Variants in FHOD3 observed in about 807,000 individuals in gnomAD.
FHOD3 encodes formin homology 2 domain containing 3.
A neutral mutation model predicts 173.0 loss-of-function variants in FHOD3; 90 were observed. That is an observed-to-expected ratio of 0.52 (90% CI 0.44 to 0.62). FHOD3 has a LOEUF of 0.62. Ranked by LOEUF, FHOD3 falls within the 20% of genes least tolerant of loss-of-function variation. FHOD3 has a pLI of 0.00. For missense variants in FHOD3, 1,945 were observed against 2,034.7 expected, an observed-to-expected ratio of 0.96 and a Z score of 0.85; for synonymous variants, 828 against 823.0, an observed-to-expected ratio of 1.01 and a Z score of -0.10.
chr18:36,736,254 A>T (rs1342275059), intron 20 of FHOD3, among the ~76,000 whole-genome samples: 2 of 152,240 alleles, frequency 1.3e-5, no homozygotes, highest in African/African-American at 4.8e-5. Flanking sequence ...CCCACAGGGC[A>T]TGTGTACAGT....
At chr18:36,645,313 G>A (rs986038523) in intron 10 of FHOD3, among the ~76,000 whole-genome samples, 8 of 152,044 alleles carry the variant, frequency 5.3e-5, no homozygotes, top group Admixed American at 1.3e-4. Flanking sequence ...CCAGCTATTC[G>A]GAAGGCTGAG....
intron 9 of FHOD3, among the ~76,000 whole-genome samples, chr18:36,624,762 A>C (rs1441921800): frequency 6.6e-6 from 1 of 152,152 alleles, no homozygotes; most frequent in Non-Finnish European, 1.5e-5. Flanking sequence ...GGCAAAGTGC[A>C]AGCCAGTTAT....
intron 5 of FHOD3, among the ~76,000 whole-genome samples, chr18:36,555,406 A>G (rs2057837656): frequency 6.6e-6 from 1 of 151,708 alleles, no homozygotes; most frequent in Non-Finnish European, 1.5e-5. Flanking sequence ...AACAAAAAAC[A>G]TGCTTTATAT....
At chr18:36,348,561 A>T (rs542494936) in intron 1 of FHOD3, among the ~76,000 whole-genome samples, 2 of 152,132 alleles carry the variant, frequency 1.3e-5, no homozygotes, top group African/African-American at 4.8e-5. Context: ...ATTTCCATGG[A>T]TCCATGGAGC....
At chr18:36,552,625 A>G (rs1441083498) in intron 5 of FHOD3, among the ~76,000 whole-genome samples, 1 of 151,688 alleles carries the variant, frequency 6.6e-6, no homozygotes, top group East Asian at 1.9e-4. Context: ...CAGCCTCCCA[A>G]GTAGCTGGGA....
rs1225929048 is a variant in FHOD3 at position 36,338,059 on chromosome 18, A to AG, written c.166-17479dup. ...AGTTAATGAATTACTAAGGGAACGG[A>AG]GTAGAGTCAATTACACTGCTGGTTT... On this transcript the variant is annotated intron_variant, in intron 1 of 28. Coordinates refer to ENST00000590592, the MANE Select transcript of FHOD3 (RefSeq NM_001281740.3). Among the ~76,000 whole-genome samples, 13 of 152,318 alleles carry AG rather than the reference A, an allele frequency of 8.5e-5. No homozygotes were observed. The East Asian group carries it at 2.5e-3, about 29-fold the overall frequency.
intron 14 of FHOD3, among the ~76,000 whole-genome samples, chr18:36,668,035 G>A (rs1397280036): frequency 6.6e-6 from 1 of 152,104 alleles, no homozygotes; most frequent in Non-Finnish European, 1.5e-5. Flanking sequence ...CATAAAATGA[G>A]GGGAAACATA....
In FHOD3 at chr18:36,740,344, T is replaced by C. The variant is rs561738169; in HGVS notation, c.3577-312T>C. On this transcript the variant is annotated intron_variant, in intron 20 of 28. Coordinates refer to ENST00000590592, the MANE Select transcript of FHOD3 (RefSeq NM_001281740.3). Reference sequence around the variant, plus strand: ...TTTTAAATTAATGCAGGAGAAGTGCTACAAAGCATATCTTTTTTACATGTC... The same window carrying C: ...TTTTAAATTAATGCAGGAGAAGTGCCACAAAGCATATCTTTTTTACATGTC... 3.3e-5 allele frequency among the ~76,000 whole-genome samples: 5 copies of C among 152,340 alleles called. No individual in the cohort carries two copies. The East Asian group carries it at 7.7e-4, about 24-fold the overall frequency.
At chr18:36,659,266 T>G (rs1568564115) in intron 14 of FHOD3, among the ~76,000 whole-genome samples, 1 of 152,198 alleles carries the variant, frequency 6.6e-6, no homozygotes, top group African/African-American at 2.4e-5. Context: ...GGCATGTAGA[T>G]CCTACGGTGT....
At chr18:36,632,703 C>A (rs80353021) in intron 10 of FHOD3, among the ~76,000 whole-genome samples, 3,896 of 152,190 alleles carry the variant, frequency 0.026, 177 homozygotes, top group African/African-American at 0.09. Flanking sequence ...ATGCTATGCT[C>A]TTCTTCCTTC....
chr18:36,741,944 G>T (rs2041922665), intron 21 of FHOD3, among the ~76,000 whole-genome samples: 1 of 152,096 alleles, frequency 6.6e-6, no homozygotes, highest in Non-Finnish European at 1.5e-5. Flanking sequence ...CCTAGGGATT[G>T]CTGAGGTGAC....
chr18:36,580,183 G>A (rs1599738016), intron 6 of FHOD3, among the ~76,000 whole-genome samples: 1 of 152,280 alleles, frequency 6.6e-6, no homozygotes, highest in East Asian at 1.9e-4. Context: ...CATCCTACAC[G>A]GTGCACTCGG....
Position 36,653,324 on chromosome 18 carries a change from C to T in FHOD3, c.1647-18C>T. The T allele has an allele frequency of 6.5e-7, 1 of 1,526,944 alleles. No homozygotes were observed. Among genetic ancestry groups the T allele is most frequent in the African/African-American group, 1.4e-5 (1 of 72,702 alleles). 94.6% of individuals were successfully genotyped at this position (1,526,944 alleles called of 1,614,324 possible). ...CTTTCCGTGCCACATTGTGAGCGGGCTTTTCTTCCTTTGACAGTTCCTCTG... is the reference window on the plus strand; with the variant it reads ...CTTTCCGTGCCACATTGTGAGCGGGTTTTTCTTCCTTTGACAGTTCCTCTG... On this transcript the variant is annotated intron_variant, in intron 12 of 28. Coordinates refer to ENST00000590592, the MANE Select transcript of FHOD3 (RefSeq NM_001281740.3).
chr18:36,389,343 C>G (rs2048187839), intron 3 of FHOD3, among the ~76,000 whole-genome samples: 1 of 152,210 alleles, frequency 6.6e-6, no homozygotes, highest in African/African-American at 2.4e-5. Context: ...CATTGTGGTG[C>G]CTTTTATCCT....
At chr18:36,521,832 C>T (rs1165514562) in intron 5 of FHOD3, among the ~76,000 whole-genome samples, 1 of 152,150 alleles carries the variant, frequency 6.6e-6, no homozygotes, top group Non-Finnish European at 1.5e-5. Context: ...TGGTCCTGCC[C>T]TCGTGTGTCG....
At chr18:36,374,807 C>T (rs1568188335) in intron 3 of FHOD3, among the ~76,000 whole-genome samples, 2 of 152,260 alleles carry the variant, frequency 1.3e-5, no homozygotes, top group South Asian at 2.1e-4. Flanking sequence ...ACAATAGCTG[C>T]GAGTTCAAAA....
chr18:36,304,945 G>A (rs529656759), intron 1 of FHOD3, among the ~76,000 whole-genome samples: 16 of 152,276 alleles, frequency 1.1e-4, no homozygotes, highest in African/African-American at 3.9e-4. Flanking sequence ...CTCTGCGTCC[G>A]CCTTCAGTAT....
At chr18:36,695,098 T>C (rs959463611) in intron 17 of FHOD3, among the ~76,000 whole-genome samples, 1 of 151,756 alleles carries the variant, frequency 6.6e-6, no homozygotes, top group Non-Finnish European at 1.5e-5. Flanking sequence ...ATCCCAGCAC[T>C]TTGGGAGGCC....
intron 5 of FHOD3, among the ~76,000 whole-genome samples, chr18:36,552,097 A>AT (rs2057681257): frequency 6.6e-6 from 1 of 152,138 alleles, no homozygotes; most frequent in African/African-American, 2.4e-5. Flanking sequence ...CAGTATGGCC[A>AT]TTTTCACAAT....
Sources: allele counts gnomAD v4.1 joint callset (sites outside exome capture counted in the v4.1 genomes callset), GRCh38; gene constraint gnomAD v4.1.1; transcripts MANE v1.5; gene names NCBI Gene and HGNC (gene_info 2026-07-23, HGNC 2026-07-21).